CENPO: variants seen among roughly 807,000 people sequenced by gnomAD.
CENPO encodes the protein centromere protein O.
CENPO carries 30 observed loss-of-function variants against 36.1 expected under a neutral mutation model. That is an observed-to-expected ratio of 0.83 (90% CI 0.62 to 1.13). The LOEUF (loss-of-function observed/expected upper bound fraction) is 1.13. Among genes scored for constraint, CENPO ranks in the 50% most tolerant of loss-of-function variants. CENPO has a pLI of 0.00. For missense variants in CENPO, 349 were observed against 357.8 expected (o/e 0.98, Z 0.20); for synonymous variants, 171 against 142.3 (o/e 1.20, Z -1.44).
chr2:24,810,504 G>GTTTTT (rs35287429), intron 3 of CENPO, among the ~76,000 whole-genome samples: 1 of 114,106 alleles, frequency 8.8e-6, no homozygotes, highest in African/African-American at 3.2e-5. Context: ...GCAGGTTAAG[G>GTTTTT]TTTTTTTTTT....
intron 5 of CENPO, chr2:24,816,295 G>A (rs2148290800): frequency 4.7e-6 from 1 of 210,540 alleles, no homozygotes; most frequent in Non-Finnish European, 9.4e-6. Context: ...CTATGGATTT[G>A]GAGTAACTCT....
chr2:24,806,003 C>T (rs1014938319), intron 3 of CENPO, among the ~76,000 whole-genome samples: 4 of 152,246 alleles, frequency 2.6e-5, no homozygotes, highest in African/African-American at 9.6e-5. Flanking sequence ...CTTTGTTTAC[C>T]TATCCAAGCC....
chr2:24,818,378 AT>A (rs71325757), intron 7 of CENPO, among the ~76,000 whole-genome samples: 3,580 of 150,298 alleles, frequency 0.024, 108 homozygotes, highest in African/African-American at 0.071. Context: ...AAGACCCAAT[AT>A]TTTTTTTTTT....
intron 3 of CENPO, among the ~76,000 whole-genome samples, chr2:24,807,639 C>T (rs1304141836): frequency 1.3e-5 from 2 of 152,154 alleles, no homozygotes; most frequent in African/African-American, 2.4e-5. Flanking sequence ...AAAATATACA[C>T]TTATATATTG....
chr2:24,804,999 A>C (rs1030511147), intron 3 of CENPO, among the ~76,000 whole-genome samples: 2 of 152,130 alleles, frequency 1.3e-5, no homozygotes, highest in Admixed American at 6.5e-5. Flanking sequence ...ACATAGTCCC[A>C]TATTTCTTGG....
At chr2:24,818,480 GTGTT>G (rs3037271) in intron 7 of CENPO, among the ~76,000 whole-genome samples, 63,652 of 151,840 alleles carry the variant, frequency 0.42, 15,339 homozygotes, top group East Asian at 0.59. Context: ...AAGTTCTTCA[GTGTT>G]TGTTTGGTTA....
rs563862172 is a variant in CENPO at position 24,793,490 on chromosome 2, C to T, written c.-80C>T. On this transcript the variant is annotated 5_prime_UTR_variant, in exon 1 of 8. Coordinates refer to ENST00000380834, the MANE Select transcript of CENPO (RefSeq NM_001322101.2). ...AAGACGTGGATGGCGGGAATTCTCG[C>T]TTCTGGCCTGGGTGAGCTAGAAGGG... 6.2e-7 allele frequency: 1 copy of T among 1,601,010 alleles called. No individual in the cohort carries two copies. The highest frequency in any genetic ancestry group is 1.7e-5 in the Admixed American group (1 of 58,638).
chr2:24,806,131 G>T (rs113458535), intron 3 of CENPO, among the ~76,000 whole-genome samples: 143 of 152,376 alleles, frequency 9.4e-4, no homozygotes, highest in African/African-American at 3.2e-3. Context: ...CCAGGCGCGG[G>T]ATATAATCTC....
rs1265102831 is a variant in CENPO at position 24,821,913 on chromosome 2, GCCTGGT to G, written c.*2605_*2610del. The G allele has an allele frequency of 7.3e-6, 3 of 409,426 alleles. No individual in the cohort carries two copies. The highest frequency in any genetic ancestry group is 3.1e-5 in the South Asian group (1 of 32,190). 25.4% of individuals were successfully genotyped at this position (409,426 alleles called of 1,614,324 possible). A position where few individuals can be genotyped will look rare whatever the true frequency, so the allele number is the denominator to read the frequency against. ...AGGCGGACCCCTTCACCTTGGCTGG[GCCTGGT>G]CCTGGTCCTTAGGTTTTGTCAGGTT... On this transcript the variant is annotated 3_prime_UTR_variant, in exon 8 of 8. Transcript: ENST00000380834.
chr2:24,800,379 GGTTT>G (rs1314150397), intron 3 of CENPO, among the ~76,000 whole-genome samples: 1 of 152,160 alleles, frequency 6.6e-6, no homozygotes, highest in African/African-American at 2.4e-5. Flanking sequence ...ACAACGTGTA[GGTTT>G]GTTACATATG....
At chr2:24,800,918 G>A (rs1345004730) in intron 3 of CENPO, among the ~76,000 whole-genome samples, 1 of 152,128 alleles carries the variant, frequency 6.6e-6, no homozygotes, top group African/African-American at 2.4e-5. Flanking sequence ...TTCCACAATG[G>A]TGGAACTAGT....
At position 24,820,983 on chromosome 2, in the gene CENPO, A is replaced by T; in HGVS notation, c.*1665A>T. ...CATTGTCCTCATTCAACTTGGCTGT[A>T]TGCTATTGGAGGGTGGAAATCACAT... On this transcript the variant is annotated 3_prime_UTR_variant, in exon 8 of 8. Transcript: ENST00000380834. 7.7e-7 allele frequency: 1 copy of T among 1,303,546 alleles called. No homozygotes were observed. The highest frequency in any genetic ancestry group is 1.1e-6 in the Non-Finnish European group (1 of 947,412). 80.7% of individuals were successfully genotyped at this position (1,303,546 alleles called of 1,614,324 possible).
In CENPO at chr2:24,820,170, G is replaced by C; in HGVS notation, c.*852G>C. ...GTTACGGGGGGAGCCTAGACTGAGG[G>C]CGGGTGGGGGCTTTGGGTGGTTGGA... is the stretch of plus-strand genomic sequence containing the variant. On this transcript the variant is annotated 3_prime_UTR_variant, in exon 8 of 8. Coordinates refer to ENST00000380834, the MANE Select transcript of CENPO (RefSeq NM_001322101.2). 1 of 1,330,354 alleles carries C rather than the reference G, an allele frequency of 7.5e-7. No homozygotes were observed. The highest frequency in any genetic ancestry group is 1.0e-6 in the Non-Finnish European group (1 of 983,620). The allele number at this position is 1,330,354 out of a possible 1,614,324, so 82.4% of individuals were successfully genotyped here. A position where few individuals can be genotyped will look rare whatever the true frequency, so the allele number is the denominator to read the frequency against.
Position 24,793,907 on chromosome 2 carries a change from T to C in CENPO, c.-13T>C. ...CCTAGACAACTTCATGGGAAGGCCCTTGGGAATCTGAGATGGAGCAGGCGA... is the reference window on the plus strand; with the variant it reads ...CCTAGACAACTTCATGGGAAGGCCCCTGGGAATCTGAGATGGAGCAGGCGA... On this transcript the variant is annotated 5_prime_UTR_variant, in exon 2 of 8. Coordinates refer to ENST00000380834, the MANE Select transcript of CENPO (RefSeq NM_001322101.2). 6.2e-7 allele frequency: 1 copy of C among 1,614,172 alleles called. No homozygotes were observed. Among genetic ancestry groups the C allele is most frequent in the Non-Finnish European group, 8.5e-7 (1 of 1,180,006 alleles).
In CENPO at chr2:24,820,173, G is replaced by A. The variant is rs2148320447; in HGVS notation, c.*855G>A. On this transcript the variant is annotated 3_prime_UTR_variant, in exon 8 of 8. Transcript: ENST00000380834. ...ACGGGGGGAGCCTAGACTGAGGGCG[G>A]GTGGGGGCTTTGGGTGGTTGGAGCC... 3 of 1,328,972 alleles carry A rather than the reference G, an allele frequency of 2.3e-6. No individual in the cohort carries two copies. Among genetic ancestry groups the A allele is most frequent in the East Asian group, 2.5e-5 (1 of 39,876 alleles). 82.3% of individuals were successfully genotyped at this position (1,328,972 alleles called of 1,614,324 possible). A position where few individuals can be genotyped will look rare whatever the true frequency, so the allele number is the denominator to read the frequency against.
intron 5 of CENPO, 76 bp downstream of exon 5, chr2:24,815,832 C>T: frequency 7.2e-7 from 1 of 1,394,800 alleles, no homozygotes; most frequent in Non-Finnish European, 1.0e-6. Context: ...TTTGTATTTT[C>T]AGTGTTTCCT....
chr2:24,800,162 A>G (rs13410506), intron 3 of CENPO, among the ~76,000 whole-genome samples: 85,793 of 151,996 alleles, frequency 0.56, 26,248 homozygotes, highest in East Asian at 0.81. Flanking sequence ...GCAGGCGCCT[A>G]TAATCCCAGC....
At chr2:24,799,454 A>T (rs1158233298) in intron 2 of CENPO, among the ~76,000 whole-genome samples, 1 of 151,918 alleles carries the variant, frequency 6.6e-6, no homozygotes, top group African/African-American at 2.4e-5. Context: ...TTTGAGGAGG[A>T]TCCTGTTTTA....
chr2:24,808,598 C>T (rs1214640997), intron 3 of CENPO, among the ~76,000 whole-genome samples: 1 of 152,148 alleles, frequency 6.6e-6, no homozygotes, highest in East Asian at 1.9e-4. Flanking sequence ...ATTTTTACTG[C>T]ATATATTAAG....
Sources: allele counts gnomAD v4.1 joint callset (sites outside exome capture counted in the v4.1 genomes callset), GRCh38; gene constraint gnomAD v4.1.1; transcripts MANE v1.5; gene names NCBI Gene and HGNC (gene_info 2026-07-23, HGNC 2026-07-21).